PHF2: variants seen among roughly 807,000 people sequenced by gnomAD.
The protein encoded by PHF2 is PHD finger protein 2, also known as lysine-specific demethylase PHF2.
Under a neutral mutation model 120.5 loss-of-function variants are expected in PHF2, and 27 were observed. The observed-to-expected ratio is 0.22, with a 90% CI of 0.17 to 0.31. The LOEUF (loss-of-function observed/expected upper bound fraction) is 0.31, where lower values mean the gene tolerates loss of function less well. PHF2 is among the 10% of genes least tolerant of loss of function. The probability of loss-of-function intolerance (pLI) is 1.00; values close to 1 mark genes in which losing one functional copy is unlikely to be tolerated. For missense variants in PHF2, 1,024 were observed against 1,434.8 expected (o/e 0.71, Z 4.63); for synonymous variants, 568 against 592.5 (o/e 0.96, Z 0.60).
chr9:93,677,517 C>A lies in PHF2; in HGVS notation c.3203-71C>A. ...CTTAGTGTCAGCGGGACCCTCCCCC[C>A]CACCGGCATGCCACGCCCCTTGCCA... On this transcript the variant is annotated intron_variant, in intron 21 of 21. Coordinates refer to ENST00000359246, the MANE Select transcript of PHF2 (RefSeq NM_005392.4). The surrounding 1 kb of genome is among the most constrained non-coding windows in gnomAD (Gnocchi z 4.4). 3 of 1,145,164 alleles carry A rather than the reference C, an allele frequency of 2.6e-6. No homozygotes were observed. The highest frequency in any genetic ancestry group is 1.3e-5 in the South Asian group (1 of 76,824). 70.9% of individuals were successfully genotyped at this position (1,145,164 alleles called of 1,614,324 possible). A position where few individuals can be genotyped will look rare whatever the true frequency, so the allele number is the denominator to read the frequency against.
intron 1 of PHF2, among the ~76,000 whole-genome samples, chr9:93,580,388 TC>T (rs1862911202): frequency 6.6e-6 from 1 of 152,178 alleles, no homozygotes; most frequent in Non-Finnish European, 1.5e-5. Context: ...GGACCTGTCC[TC>T]TCCTTTTAGG....
At chr9:93,672,093 T>TA (rs1826807325) in intron 17 of PHF2, among the ~76,000 whole-genome samples, 1 of 113,954 alleles carries the variant, frequency 8.8e-6, no homozygotes, top group African/African-American at 3.6e-5. Context: ...GGTGTGGGTG[T>TA]GGATGTAGGT....
chr9:93,642,665 C>T (rs192904833), intron 3 of PHF2, among the ~76,000 whole-genome samples: 19 of 152,252 alleles, frequency 1.2e-4, no homozygotes, highest in Non-Finnish European at 2.2e-4. Context: ...CATGAGTGTA[C>T]GATATTGCCT....
At position 93,656,379 on chromosome 9, in the gene PHF2, G is replaced by A. The variant is rs1034839720; in HGVS notation, c.1041-110G>A. 6 of 788,162 alleles carry A rather than the reference G, an allele frequency of 7.6e-6. No homozygotes were observed. The highest frequency in any genetic ancestry group is 1.3e-5 in the Non-Finnish European group (6 of 463,276). The allele number at this position is 788,162 out of a possible 1,614,324, so 48.8% of individuals were successfully genotyped here. On this transcript the variant is annotated intron_variant, in intron 8 of 21. Coordinates refer to ENST00000359246, the MANE Select transcript of PHF2 (RefSeq NM_005392.4). The surrounding 1 kb of genome is among the most constrained non-coding windows in gnomAD (Gnocchi z 4.1). ...TTTTCCCCTGGTCCTCCTCAGCTATGCAGGGCCCAGTGGGGAGGCCTGAGC... is the reference window on the plus strand; with the variant it reads ...TTTTCCCCTGGTCCTCCTCAGCTATACAGGGCCCAGTGGGGAGGCCTGAGC...
intron 1 of PHF2, among the ~76,000 whole-genome samples, chr9:93,577,712 G>A (rs75508131): frequency 0.017 from 2,644 of 152,278 alleles, 78 homozygotes; most frequent in African/African-American, 0.06. Context: ...ATGGGGAGGG[G>A]GGAAGGAGGT....
intron 1 of PHF2, among the ~76,000 whole-genome samples, chr9:93,579,053 G>A (rs1862886727): frequency 6.6e-6 from 1 of 152,210 alleles, no homozygotes; most frequent in Non-Finnish European, 1.5e-5. Context: ...GTTCTGGGCA[G>A]GTGTGTGATG....
intron 1 of PHF2, among the ~76,000 whole-genome samples, chr9:93,611,332 T>G (rs1043056353): frequency 5.3e-5 from 8 of 151,862 alleles, no homozygotes; most frequent in African/African-American, 1.7e-4. Context: ...GAAGAATTGC[T>G]TGAACCCAGG....
At chr9:93,634,059 A>T (rs1587695535) in intron 2 of PHF2, among the ~76,000 whole-genome samples, 2 of 152,048 alleles carry the variant, frequency 1.3e-5, no homozygotes, top group East Asian at 3.9e-4. Flanking sequence ...GCAGGTGGTG[A>T]CCTAAGGGCA....
chr9:93,648,823 C>T (rs1212169406), intron 4 of PHF2, among the ~76,000 whole-genome samples: 2 of 152,060 alleles, frequency 1.3e-5, no homozygotes, highest in Non-Finnish European at 2.9e-5. Flanking sequence ...ATCTGGCCAC[C>T]GTCGCTGAGG....
chr9:93,579,279 A>T (rs913167149), intron 1 of PHF2, among the ~76,000 whole-genome samples: 28 of 152,080 alleles, frequency 1.8e-4, no homozygotes, highest in Non-Finnish European at 2.9e-5. Context: ...TTCCTATTTA[A>T]CATTTCAACT....
intron 11 of PHF2, among the ~76,000 whole-genome samples, chr9:93,659,939 C>T (rs1283801574): frequency 6.6e-6 from 1 of 152,186 alleles, no homozygotes; most frequent in Non-Finnish European, 1.5e-5. Flanking sequence ...CCCTCAGCCG[C>T]TGTGCTGGGG....
In PHF2 at chr9:93,676,724, C is replaced by CTGCCTCCACCACACT. The variant is rs368818072; in HGVS notation, c.2963_2964insTGCCTCCACCACACT (p.Thr992_Pro993insLeuAlaSerThrThr). The CTGCCTCCACCACACT allele has an allele frequency of 5.8e-6, 9 of 1,559,832 alleles. No homozygotes were observed. Among genetic ancestry groups the CTGCCTCCACCACACT allele is most frequent in the African/African-American group, 2.7e-5 (2 of 73,502 alleles). On this transcript the variant is annotated inframe_insertion, in exon 21 of 22. Transcript: ENST00000359246. The stretch of plus-strand genomic sequence containing the variant: ...TCCACCACGCCAGCCTCTACCACCC[C>CTGCCTCCACCACACT]GGCCTCCACCACCCCGGCCTCCACC...
At chr9:93,667,345 G>A in intron 17 of PHF2, 105 bp downstream of exon 17, 3 of 1,400,390 alleles carry the variant, frequency 2.1e-6, no homozygotes, top group Non-Finnish European at 2.9e-6. Context: ...CACAGCTGGA[G>A]CCAGTGCTGA....
At chr9:93,675,585 G>A (rs1826894925) in intron 19 of PHF2, 95 bp from the exon 20 acceptor site, 1 of 925,822 alleles carries the variant, frequency 1.1e-6, no homozygotes, top group Non-Finnish European at 1.7e-6. Flanking sequence ...CTGGCCAGGG[G>A]GACAGGCTGG....
intron 1 of PHF2, among the ~76,000 whole-genome samples, chr9:93,598,826 A>C (rs909853880): frequency 5.3e-5 from 8 of 152,138 alleles, no homozygotes; most frequent in African/African-American, 1.9e-4. Flanking sequence ...CAGCTCATAC[A>C]GGAATGCATT....
chr9:93,582,028 C>T (rs578208150), intron 1 of PHF2, among the ~76,000 whole-genome samples: 12 of 152,184 alleles, frequency 7.9e-5, no homozygotes, highest in South Asian at 6.2e-4. Flanking sequence ...AACATTCAGT[C>T]GGGGTTTAAT....
intron 3 of PHF2, among the ~76,000 whole-genome samples, chr9:93,637,319 A>G (rs1257046555): frequency 6.6e-6 from 1 of 152,182 alleles, no homozygotes. Flanking sequence ...ATTGAGATAA[A>G]ATACAAATAA....
chr9:93,586,698 C>G (rs913146343), intron 1 of PHF2, among the ~76,000 whole-genome samples: 1 of 152,268 alleles, frequency 6.6e-6, no homozygotes, highest in Non-Finnish European at 1.5e-5. Flanking sequence ...CACGACTGGG[C>G]TTGGTTCCTT....
chr9:93,615,074 T>C (rs1341826926), intron 1 of PHF2, among the ~76,000 whole-genome samples: 4 of 151,316 alleles, frequency 2.6e-5, no homozygotes, highest in South Asian at 2.1e-4. Context: ...ACAGTGATGG[T>C]GGTGATGGTA....
Sources: gnomAD v4.1 joint callset for allele counts (sites outside exome capture counted in the v4.1 genomes callset) on GRCh38, gnomAD v4.1.1 for gene constraint, Gnocchi (gnomAD v3.1) non-coding constraint, MANE v1.5 for transcripts, NCBI Gene and HGNC (gene_info 2026-07-23, HGNC 2026-07-21) for gene names.